HACD2: variants seen among roughly 807,000 people sequenced by gnomAD.
The protein encoded by HACD2 is very-long-chain (3R)-3-hydroxyacyl-CoA dehydratase 2.
A neutral mutation model predicts 31.0 loss-of-function variants in HACD2; 15 were observed. That is an observed-to-expected ratio of 0.48 (90% CI 0.32 to 0.75). The LOEUF is 0.75. HACD2 is among the 30% of genes least tolerant of loss of function. The probability of loss-of-function intolerance (pLI) is 0.03; values close to 1 mark genes in which losing one functional copy is unlikely to be tolerated. For missense variants in HACD2, 283 were observed against 313.0 expected (o/e 0.90, Z 0.72); for synonymous variants, 115 against 122.2 (o/e 0.94, Z 0.39).
chr3:123,503,519 C>CA (rs2055933404), intron 4 of HACD2, among the ~76,000 whole-genome samples: 1 of 151,942 alleles, frequency 6.6e-6, no homozygotes, highest in Admixed American at 6.6e-5. Context: ...CTGAAAAAAA[C>CA]AATAAAGGTT....
At chr3:123,554,945 T>G (rs2056658521) in intron 3 of HACD2, among the ~76,000 whole-genome samples, 1 of 152,240 alleles carries the variant, frequency 6.6e-6, no homozygotes, top group South Asian at 2.1e-4. Flanking sequence ...CAACAACTTT[T>G]GCTAAAGCAA....
intron 3 of HACD2, among the ~76,000 whole-genome samples, chr3:123,549,002 C>A (rs977567149): frequency 6.7e-6 from 1 of 148,996 alleles, no homozygotes; most frequent in Non-Finnish European, 1.5e-5. Flanking sequence ...TGTTTGTTCA[C>A]TCTCTGAAAG....
intron 6 of HACD2, among the ~76,000 whole-genome samples, chr3:123,498,105 T>C (rs1399216416): frequency 1.3e-5 from 2 of 152,044 alleles, no homozygotes; most frequent in Non-Finnish European, 2.9e-5. Context: ...CCAGAGCTGC[T>C]GGCTCAGGCC....
Position 123,491,858 on chromosome 3 carries a change from G to A in HACD2, c.*3030C>T, listed in dbSNP as rs1446169254. On this transcript the variant is annotated 3_prime_UTR_variant, in exon 7 of 7. Transcript: ENST00000383657. ...TACCCAAATTTCAAAGGAGCAGTATGTATTGAATTTAATGTTTTATAATGT... is the reference window on the plus strand; with the variant it reads ...TACCCAAATTTCAAAGGAGCAGTATATATTGAATTTAATGTTTTATAATGT... 6.6e-6 allele frequency: 1 copy of A among 152,482 alleles called. No homozygotes were observed. Among genetic ancestry groups the A allele is most frequent in the African/African-American group, 2.4e-5 (1 of 41,442 alleles). 9.4% of individuals were successfully genotyped at this position (152,482 alleles called of 1,614,324 possible). A position where few individuals can be genotyped will look rare whatever the true frequency, so the allele number is the denominator to read the frequency against.
chr3:123,551,082 C>T (rs923140352), intron 3 of HACD2, among the ~76,000 whole-genome samples: 2 of 152,120 alleles, frequency 1.3e-5, no homozygotes, highest in Non-Finnish European at 2.9e-5. Flanking sequence ...TGAGGATGTT[C>T]GTACTCTGTG....
At chr3:123,559,145 C>G (rs1035213523) in intron 3 of HACD2, among the ~76,000 whole-genome samples, 4 of 152,164 alleles carry the variant, frequency 2.6e-5, no homozygotes, top group Non-Finnish European at 5.9e-5. Flanking sequence ...TTGCTCATTC[C>G]TCAGTTTCAG....
At position 123,539,911 on chromosome 3, in the gene HACD2, T is replaced by TAAAAAAAAAAAAA. The variant is rs71142741; in HGVS notation, c.293-11450_293-11438dup. On this transcript the variant is annotated intron_variant, in intron 3 of 6. Coordinates refer to ENST00000383657, the MANE Select transcript of HACD2 (RefSeq NM_198402.5). ...AAACATGGCAAGGCCTCGTCTCTAC[T>TAAAAAAAAAAAAA]AAAAAAAAAAAAAAAAAAAAAAAAA... Among the ~76,000 whole-genome samples, 5 of 24,480 alleles carry TAAAAAAAAAAAAA rather than the reference T, an allele frequency of 2.0e-4. 2 individuals are homozygous for TAAAAAAAAAAAAA. Among genetic ancestry groups the TAAAAAAAAAAAAA allele is most frequent in the African/African-American group, 1.0e-3 (5 of 4,818 alleles). 16.1% of individuals were successfully genotyped at this position (24,480 alleles called of 152,430 possible).
chr3:123,512,835 G>GTGTGTGTA (rs2056081077), intron 4 of HACD2, among the ~76,000 whole-genome samples: 1 of 152,144 alleles, frequency 6.6e-6, no homozygotes, highest in Non-Finnish European at 1.5e-5. Context: ...GAGTGTATAT[G>GTGTGTGTA]TGTGTGTATG....
chr3:123,522,662 C>CTTT (rs4048459), intron 4 of HACD2, among the ~76,000 whole-genome samples: 73 of 146,290 alleles, frequency 5.0e-4, no homozygotes, highest in Middle Eastern at 3.5e-3. Context: ...AATAAGGAGA[C>CTTT]TTTTTTTTTT....
At chr3:123,511,674 A>C (rs1363575597) in intron 4 of HACD2, among the ~76,000 whole-genome samples, 1 of 152,238 alleles carries the variant, frequency 6.6e-6, no homozygotes, top group Non-Finnish European at 1.5e-5. Context: ...CTAGTTGTGC[A>C]TCAACTGACC....
chr3:123,569,888 C>T (rs138184988), intron 2 of HACD2, among the ~76,000 whole-genome samples: 3,667 of 149,246 alleles, frequency 0.025, 146 homozygotes, highest in African/African-American at 0.085. Flanking sequence ...ACTCAGAAGG[C>T]TGAGGCAGGA....
intron 3 of HACD2, among the ~76,000 whole-genome samples, chr3:123,564,352 G>T (rs1278909808): frequency 6.6e-6 from 1 of 152,190 alleles, no homozygotes; most frequent in Non-Finnish European, 1.5e-5. Context: ...AATGAGCTAA[G>T]ACAGAACTCC....
At chr3:123,542,531 A>T (rs1290986299) in intron 3 of HACD2, among the ~76,000 whole-genome samples, 2 of 152,284 alleles carry the variant, frequency 1.3e-5, no homozygotes, top group East Asian at 1.9e-4. Context: ...ACACATAAAG[A>T]TGTATGCTAA....
At chr3:123,496,692 G>A (rs1454849500) in intron 6 of HACD2, among the ~76,000 whole-genome samples, 1 of 152,202 alleles carries the variant, frequency 6.6e-6, no homozygotes, top group African/African-American at 2.4e-5. Context: ...TAAACCATTA[G>A]GAATGTTAAT....
chr3:123,529,006 CTTT>C (rs5852343), intron 3 of HACD2, among the ~76,000 whole-genome samples: 2 of 148,848 alleles, frequency 1.3e-5, no homozygotes, highest in Non-Finnish European at 1.5e-5. Flanking sequence ...TCTTTAAAAC[CTTT>C]TTTTTTTTTT....
chr3:123,496,579 C>T (rs1376212693), intron 6 of HACD2, among the ~76,000 whole-genome samples: 1 of 152,160 alleles, frequency 6.6e-6, no homozygotes, highest in East Asian at 1.9e-4. Flanking sequence ...ACAGAAAAGA[C>T]CCCACTTAAG....
rs557857896 is a variant in HACD2, at chr3:123,492,605, C to T, written c.*2283G>A. On this transcript the variant is annotated 3_prime_UTR_variant, in exon 7 of 7. Coordinates refer to ENST00000383657, the MANE Select transcript of HACD2 (RefSeq NM_198402.5). Reference sequence around the variant, plus strand: ...CCCTTTTTGAAAAGGGAGCTGTGTGCTGTGTTCTCATTGCCAAAGTTCAAT... The same window carrying T: ...CCCTTTTTGAAAAGGGAGCTGTGTGTTGTGTTCTCATTGCCAAAGTTCAAT... 4 of 152,324 alleles carry T rather than the reference C, an allele frequency of 2.6e-5. No individual in the cohort carries two copies. Among genetic ancestry groups the T allele is most frequent in the African/African-American group, 9.6e-5 (4 of 41,570 alleles). 9.4% of individuals were successfully genotyped at this position (152,324 alleles called of 1,614,324 possible). A position where few individuals can be genotyped will look rare whatever the true frequency, so the allele number is the denominator to read the frequency against.
In HACD2 at chr3:123,565,188, G is replaced by T. The variant is rs2056777587; in HGVS notation, c.292+2574C>A. On this transcript the variant is annotated intron_variant, in intron 3 of 6. Transcript: ENST00000383657. The stretch of plus-strand genomic sequence containing the variant: ...CTTGTCAGAAACTTTATTTCCAGGT[G>T]TAGAGAAATTTTATAAAGACATATA... Among the ~76,000 whole-genome samples, 3 of 152,180 alleles carry T rather than the reference G, an allele frequency of 2.0e-5. No homozygotes were observed. The South Asian group carries it at 6.2e-4, about 32-fold the overall frequency.
At chr3:123,506,264 T>G (rs2055974695) in intron 4 of HACD2, among the ~76,000 whole-genome samples, 1 of 152,258 alleles carries the variant, frequency 6.6e-6, no homozygotes, top group Admixed American at 6.5e-5. Flanking sequence ...TGAACAGTTC[T>G]CTGGCAATTA....
Sources: gnomAD v4.1 joint callset for allele counts (sites outside exome capture counted in the v4.1 genomes callset) on GRCh38, gnomAD v4.1.1 for gene constraint, MANE v1.5 for transcripts, NCBI Gene and HGNC (gene_info 2026-07-23, HGNC 2026-07-21) for gene names.